Variants in PSD3 observed in about 807,000 individuals in gnomAD.
The protein encoded by PSD3 is pleckstrin and Sec7 domain containing 3, also known as PH and SEC7 domain-containing protein 3.
Under a neutral mutation model 105.5 loss-of-function variants are expected in PSD3, and 49 were observed. The ratio of observed to expected loss-of-function variants is 0.46; its 90% CI spans 0.37 to 0.59. The LOEUF (loss-of-function observed/expected upper bound fraction) is 0.59, where lower values mean the gene tolerates loss of function less well. Among genes scored for constraint, PSD3 ranks in the 20% least tolerant of loss-of-function variants. PSD3 has a pLI of 0.00. For synonymous variants in PSD3, 557 were observed against 457.8 expected (o/e 1.22, Z -2.77); for missense variants, 1,561 against 1,263.8 (o/e 1.24, Z -3.57).
At chr8:19,059,187 A>C (rs1173946435) in intron 1 of PSD3, among the ~76,000 whole-genome samples, 1 of 152,198 alleles carries the variant, frequency 6.6e-6, no homozygotes, top group Non-Finnish European at 1.5e-5. Context: ...CATCCAAATA[A>C]CACCCAGTTG....
At chr8:19,059,790 G>T (rs1446394058) in intron 1 of PSD3, among the ~76,000 whole-genome samples, 4 of 152,190 alleles carry the variant, frequency 2.6e-5, no homozygotes, top group Non-Finnish European at 5.9e-5. Flanking sequence ...CCTTTCTCTT[G>T]GATCATTTGC....
At chr8:18,577,142 G>C (rs183509011) in intron 12 of PSD3, among the ~76,000 whole-genome samples, 175 of 151,918 alleles carry the variant, frequency 1.2e-3, no homozygotes, top group African/African-American at 4.0e-3. Flanking sequence ...ATAGTTTGTA[G>C]TTTTAATTTT....
chr8:18,827,459 A>C (rs1813290420), intron 4 of PSD3, among the ~76,000 whole-genome samples: 1 of 152,190 alleles, frequency 6.6e-6, no homozygotes, highest in Non-Finnish European at 1.5e-5. Context: ...ATGCTTAGGC[A>C]AGGGAGCTAG....
chr8:18,949,130 G>C (rs1411998602), intron 1 of PSD3, among the ~76,000 whole-genome samples: 5 of 146,332 alleles, frequency 3.4e-5, no homozygotes, highest in Non-Finnish European at 6.0e-5. Context: ...GCTGAGGCAG[G>C]AGAATGGCGT....
chr8:18,701,898 T>C (rs957774062), intron 9 of PSD3, among the ~76,000 whole-genome samples: 4 of 152,214 alleles, frequency 2.6e-5, no homozygotes, highest in Admixed American at 6.5e-5. Context: ...CATGAAAATA[T>C]CACTGGTGTG....
intron 1 of PSD3, among the ~76,000 whole-genome samples, chr8:18,959,895 C>T (rs1322474876): frequency 1.3e-5 from 2 of 152,186 alleles, no homozygotes; most frequent in African/African-American, 4.8e-5. Context: ...AGATAAGCCA[C>T]TCTTTTTCCC....
intron 4 of PSD3, among the ~76,000 whole-genome samples, chr8:18,810,574 T>C (rs1002318288): frequency 2.6e-5 from 4 of 152,188 alleles, no homozygotes; most frequent in African/African-American, 9.7e-5. Context: ...GTAATTGTGG[T>C]AATAAAACTA....
chr8:18,961,151 A>C (rs1360939136), intron 1 of PSD3, among the ~76,000 whole-genome samples: 1 of 152,220 alleles, frequency 6.6e-6, no homozygotes, highest in East Asian at 1.9e-4. Flanking sequence ...TAGACAGTTT[A>C]CTACTCTACT....
At chr8:19,053,693 G>A (rs965528901) in intron 1 of PSD3, among the ~76,000 whole-genome samples, 6 of 152,050 alleles carry the variant, frequency 3.9e-5, no homozygotes, top group African/African-American at 9.7e-5. Flanking sequence ...TCAGGAGGCT[G>A]AGGCAGGAGA....
chr8:18,829,309 T>C (rs1302551199), intron 4 of PSD3, among the ~76,000 whole-genome samples: 2 of 152,156 alleles, frequency 1.3e-5, no homozygotes, highest in East Asian at 1.9e-4. Context: ...CTCTATACCA[T>C]AGAAAAACTA....
chr8:18,547,476 C>T lies in PSD3; in HGVS notation c.2928+8733G>A, dbSNP rs140169022. ...CTCAAGGGGGTAGTCCCTCTTGACT[C>T]CAAGCTAATCTCAGCAGGGAACATG... On this transcript the variant is annotated intron_variant, in intron 15 of 15. Transcript: ENST00000327040. Among the ~76,000 whole-genome samples, 212 of 152,280 alleles carry T rather than the reference C, an allele frequency of 1.4e-3. 1 individual carries two copies. Among genetic ancestry groups the T allele is most frequent in the Non-Finnish European group, 1.6e-3 (106 of 68,026 alleles).
chr8:18,982,189 A>T (rs530679479), intron 1 of PSD3, among the ~76,000 whole-genome samples: 1 of 152,234 alleles, frequency 6.6e-6, no homozygotes, highest in African/African-American at 2.4e-5. Context: ...TTGTTCATTC[A>T]TAAGAAGCTA....
chr8:18,765,977 A>C (rs1806959244), intron 8 of PSD3, among the ~76,000 whole-genome samples: 1 of 148,914 alleles, frequency 6.7e-6, no homozygotes, highest in South Asian at 2.1e-4. Flanking sequence ...CAAAAAAAAA[A>C]ACCAAAAACA....
At chr8:18,855,060 G>C (rs1038233263) in intron 4 of PSD3, among the ~76,000 whole-genome samples, 5 of 152,196 alleles carry the variant, frequency 3.3e-5, no homozygotes, top group African/African-American at 9.7e-5. Context: ...CAGAGTGTGT[G>C]TCAGCCCTAA....
chr8:18,684,243 C>CACACACACACACACAG (rs1249401646), intron 9 of PSD3: 6 of 210,794 alleles, frequency 2.8e-5, no homozygotes, highest in African/African-American at 1.4e-4. Flanking sequence ...CACACACACA[C>CACACACACACACACAG]ACACACACCC....
At chr8:19,075,494 T>C (rs1460164266) in intron 1 of PSD3, among the ~76,000 whole-genome samples, 1 of 152,252 alleles carries the variant, frequency 6.6e-6, no homozygotes, top group South Asian at 2.1e-4. Context: ...TAATGAATTA[T>C]GAAATTCACA....
chr8:18,707,844 AACAG>A (rs916076980), intron 9 of PSD3, among the ~76,000 whole-genome samples: 2 of 152,250 alleles, frequency 1.3e-5, no homozygotes, highest in African/African-American at 4.8e-5. Context: ...GCCTGAATCA[AACAG>A]ACAGATACTG....
rs1333944989 is a variant in PSD3 at position 18,533,953 on chromosome 8, T to C, written c.*1790A>G. 6.6e-6 allele frequency: 1 copy of C among 152,094 alleles called. No individual in the cohort carries two copies. The highest frequency in any genetic ancestry group is 1.5e-5 in the Non-Finnish European group (1 of 68,004). 9.4% of individuals were successfully genotyped at this position (152,094 alleles called of 1,614,324 possible). A position where few individuals can be genotyped will look rare whatever the true frequency, so the allele number is the denominator to read the frequency against. On this transcript the variant is annotated 3_prime_UTR_variant, in exon 16 of 16. Transcript: ENST00000327040. ...TTTTTTACAGGTGTGGCAAAATACT[T>C]ATTACAAAGAAAGCAACTGCAACCC...
intron 11 of PSD3, among the ~76,000 whole-genome samples, chr8:18,621,003 G>A (rs751903066): frequency 2.6e-5 from 4 of 152,146 alleles, no homozygotes; most frequent in Non-Finnish European, 5.9e-5. Context: ...AAAATCACAT[G>A]CACAGTGAAA....
Sources: allele counts gnomAD v4.1 joint callset (sites outside exome capture counted in the v4.1 genomes callset), GRCh38; gene constraint gnomAD v4.1.1; transcripts MANE v1.5; gene names NCBI Gene and HGNC (gene_info 2026-07-23, HGNC 2026-07-21).